SGK1: variants seen among roughly 807,000 people sequenced by gnomAD.
The protein encoded by SGK1 is serine/threonine-protein kinase Sgk1.
In SGK1, 26 loss-of-function variants were observed where a neutral mutation model predicts 64.2. The observed-to-expected ratio is 0.40, with a 90% CI of 0.30 to 0.56. The LOEUF is 0.56. Ranked by LOEUF, SGK1 falls within the 20% of genes least tolerant of loss-of-function variation. The pLI is 0.38. For synonymous variants in SGK1, 265 were observed against 239.7 expected (o/e 1.11, Z -0.98); for missense variants, 519 against 645.6 (o/e 0.80, Z 2.12).
At chr6:134,295,501 C>T (rs1473661980) in intron 1 of SGK1, among the ~76,000 whole-genome samples, 4 of 152,104 alleles carry the variant, frequency 2.6e-5, no homozygotes, top group Admixed American at 2.0e-4. Flanking sequence ...GTCAGGAGTT[C>T]GAGACAAGCC....
chr6:134,295,886 A>T (rs1327567459), intron 1 of SGK1, among the ~76,000 whole-genome samples: 3 of 152,188 alleles, frequency 2.0e-5, no homozygotes, highest in African/African-American at 7.2e-5. Context: ...AGGACATGGG[A>T]GTGGGAACCC....
intron 1 of SGK1, among the ~76,000 whole-genome samples, chr6:134,315,316 G>A (rs924412079): frequency 6.6e-6 from 1 of 152,162 alleles, no homozygotes; most frequent in Non-Finnish European, 1.5e-5. Context: ...AGGGGCAGGA[G>A]AGATGTCTGA....
chr6:134,259,370 T>C (rs1221119153), intron 2 of SGK1, among the ~76,000 whole-genome samples: 1 of 151,956 alleles, frequency 6.6e-6, no homozygotes, highest in Non-Finnish European at 1.5e-5. Context: ...CTGGGCGCAG[T>C]GGCTCAGGCC....
At chr6:134,182,125 TG>T (rs773993332) in intron 3 of SGK1, among the ~76,000 whole-genome samples, 13 of 152,178 alleles carry the variant, frequency 8.5e-5, no homozygotes, top group Non-Finnish European at 1.8e-4. Context: ...CCCAAAGTGC[TG>T]GGATTACAAG....
chr6:134,212,374 T>C (rs73560862), intron 2 of SGK1, among the ~76,000 whole-genome samples: 11,593 of 152,224 alleles, frequency 0.076, 702 homozygotes, highest in African/African-American at 0.17. Flanking sequence ...TAACTCACTC[T>C]TAAATTACAA....
chr6:134,315,766 C>T (rs1363584899), intron 1 of SGK1, among the ~76,000 whole-genome samples: 2 of 151,920 alleles, frequency 1.3e-5, no homozygotes, highest in East Asian at 3.9e-4. Flanking sequence ...AGGGCTGGGC[C>T]TGGTGGTGGA....
At chr6:134,242,345 G>A (rs1776462198) in intron 2 of SGK1, among the ~76,000 whole-genome samples, 1 of 152,148 alleles carries the variant, frequency 6.6e-6, no homozygotes, top group African/African-American at 2.4e-5. Flanking sequence ...AATTAGCCAA[G>A]TGTGGTGGCA....
At chr6:134,208,150 G>A (rs548968265) in intron 2 of SGK1, among the ~76,000 whole-genome samples, 1 of 152,226 alleles carries the variant, frequency 6.6e-6, no homozygotes, top group African/African-American at 2.4e-5. Context: ...GACCTCAAAT[G>A]ATCCGCCCAC....
intron 1 of SGK1, among the ~76,000 whole-genome samples, chr6:134,283,974 T>C (rs555322253): frequency 2.7e-5 from 4 of 147,596 alleles, no homozygotes; most frequent in African/African-American, 9.9e-5. Flanking sequence ...ATTAAATGAG[T>C]CCCTTCCTTA....
At chr6:134,235,803 G>T (rs1323840654) in intron 2 of SGK1, among the ~76,000 whole-genome samples, 1 of 152,028 alleles carries the variant, frequency 6.6e-6, no homozygotes, top group Non-Finnish European at 1.5e-5. Flanking sequence ...TCAAACTCCT[G>T]ACCTCAGGTG....
intron 2 of SGK1, among the ~76,000 whole-genome samples, chr6:134,212,247 G>A (rs1775904410): frequency 2.6e-5 from 4 of 151,928 alleles, no homozygotes; most frequent in Admixed American, 1.3e-4. Flanking sequence ...TAGAGACGGG[G>A]TTTCATCATG....
Position 134,262,098 on chromosome 6 carries a change from A to G in SGK1, c.120T>C (p.Ser40=). 1 of 1,612,092 alleles carries G rather than the reference A, an allele frequency of 6.2e-7. No homozygotes were observed. The highest frequency in any genetic ancestry group is 1.1e-5 in the South Asian group (1 of 91,040). Residue 40 remains serine, a synonymous_variant, in exon 2 of 14, where the codon AGT becomes AGC. Coordinates refer to ENST00000367858, the MANE Select transcript of SGK1 (RefSeq NM_001143676.3). ...SPMVSVDKHQ[S]PSLKYTGSSM... Reference sequence around the variant, plus strand: ...AGGAGCCGGTGTACTTCAGGCTGGGACTCTGATGCTTGTCCACACTGACCA... The same window carrying G: ...AGGAGCCGGTGTACTTCAGGCTGGGGCTCTGATGCTTGTCCACACTGACCA...
chr6:134,215,520 A>G (rs970582434), intron 2 of SGK1, among the ~76,000 whole-genome samples: 1 of 152,154 alleles, frequency 6.6e-6, no homozygotes, highest in African/African-American at 2.4e-5. Context: ...TGGAATTGGT[A>G]GGGAAAAAAA....
At chr6:134,253,330 G>A (rs957684819) in intron 2 of SGK1, among the ~76,000 whole-genome samples, 1 of 149,598 alleles carries the variant, frequency 6.7e-6, no homozygotes, top group East Asian at 2.0e-4. Flanking sequence ...ACGGGGTCTC[G>A]CTATATTGCC....
intron 2 of SGK1, among the ~76,000 whole-genome samples, chr6:134,215,752 C>T (rs1356000987): frequency 1.3e-5 from 2 of 152,072 alleles, no homozygotes; most frequent in African/African-American, 2.4e-5. Flanking sequence ...CGTGGTGGCT[C>T]ACGCCTGTAA....
At chr6:134,290,998 G>T (rs758932461) in intron 1 of SGK1, among the ~76,000 whole-genome samples, 1 of 152,184 alleles carries the variant, frequency 6.6e-6, no homozygotes, top group Non-Finnish European at 1.5e-5. Context: ...TGATGAGAAG[G>T]CAGGAAAGGT....
chr6:134,256,589 T>C (rs1351241977), intron 2 of SGK1, among the ~76,000 whole-genome samples: 2 of 152,200 alleles, frequency 1.3e-5, no homozygotes, highest in Non-Finnish European at 2.9e-5. Flanking sequence ...TGTGAATACG[T>C]TTAGTCAGCA....
At chr6:134,215,129 TCTTTC>T in intron 2 of SGK1, 1 of 319,608 alleles carries the variant, frequency 3.1e-6, no homozygotes, top group South Asian at 1.8e-5. Flanking sequence ...TTTCTTTCTT[TCTTTC>T]TTTTTTTTTT....
At chr6:134,294,002 C>A (rs117664835) in intron 1 of SGK1, among the ~76,000 whole-genome samples, 1 of 152,196 alleles carries the variant, frequency 6.6e-6, no homozygotes, top group African/African-American at 2.4e-5. Flanking sequence ...TTCACTTTTG[C>A]GCCCACTGAC....
Sources: gnomAD v4.1 joint callset for allele counts (sites outside exome capture counted in the v4.1 genomes callset) on GRCh38, gnomAD v4.1.1 for gene constraint, MANE v1.5 for transcripts, NCBI Gene and HGNC (gene_info 2026-07-23, HGNC 2026-07-21) for gene names.